CADM2: variants seen among roughly 807,000 people sequenced by gnomAD.
The protein encoded by CADM2 is cell adhesion molecule 2.
Under a neutral mutation model 49.8 loss-of-function variants are expected in CADM2, and 12 were observed. The observed-to-expected ratio is 0.24, with a 90% CI of 0.15 to 0.39. The LOEUF (loss-of-function observed/expected upper bound fraction) is 0.39, where lower values mean the gene tolerates loss of function less well. CADM2 is among the 10% of genes least tolerant of loss of function. The pLI is 1.00. For missense variants in CADM2, 378 were observed against 492.3 expected, an observed-to-expected ratio of 0.77 and a Z score of 2.20; for synonymous variants, 214 against 175.4, an observed-to-expected ratio of 1.22 and a Z score of -1.74.
At chr3:85,689,242 C>T (rs1247184871) in intron 1 of CADM2, among the ~76,000 whole-genome samples, 1 of 152,072 alleles carries the variant, frequency 6.6e-6, no homozygotes, top group African/African-American at 2.4e-5. Flanking sequence ...TCACGGGAAC[C>T]TGTGGATGGA....
intron 5 of CADM2, among the ~76,000 whole-genome samples, chr3:85,896,343 G>A (rs988778156): frequency 6.6e-6 from 1 of 152,126 alleles, no homozygotes; most frequent in African/African-American, 2.4e-5. Flanking sequence ...AAAAGGTTAT[G>A]CTTATAGTAG....
intron 1 of CADM2, among the ~76,000 whole-genome samples, chr3:85,078,673 T>G (rs2037042750): frequency 6.6e-6 from 1 of 151,780 alleles, no homozygotes; most frequent in East Asian, 1.9e-4. Context: ...AATGCCCCAT[T>G]CTTTCTTTCT....
At position 85,868,631 on chromosome 3, in the gene CADM2, T is replaced by C. The variant is rs576495145; in HGVS notation, c.239-14660T>C. ...GAAATTACTCCTTTGTTTTTGAGAT[T>C]TAATAACTATTCTAATGAAAACACA... On this transcript the variant is annotated intron_variant, in intron 3 of 9. Coordinates refer to ENST00000383699, the MANE Select transcript of CADM2 (RefSeq NM_001167675.2). Among the ~76,000 whole-genome samples the C allele has an allele frequency of 2.6e-5, 4 of 152,306 alleles. No individual in the cohort carries two copies. The East Asian group carries it at 7.7e-4, about 29-fold the overall frequency.
At chr3:85,754,339 C>T (rs1023317767) in intron 2 of CADM2, among the ~76,000 whole-genome samples, 6 of 152,132 alleles carry the variant, frequency 3.9e-5, no homozygotes, top group Non-Finnish European at 8.8e-5. Flanking sequence ...ACCTGACCAT[C>T]ACCTGATGGT....
intron 1 of CADM2, among the ~76,000 whole-genome samples, chr3:85,528,933 A>T (rs1396617484): frequency 1.3e-5 from 2 of 152,358 alleles, no homozygotes; most frequent in South Asian, 4.1e-4. Context: ...TTTTGATAGA[A>T]AGAGGACTGA....
intron 3 of CADM2, among the ~76,000 whole-genome samples, chr3:85,875,003 G>C (rs1483877599): frequency 6.6e-6 from 1 of 152,126 alleles, no homozygotes; most frequent in Non-Finnish European, 1.5e-5. Flanking sequence ...ACAGTTTCCA[G>C]ATGTATTGCT....
chr3:85,983,157 T>C (rs532561139), intron 8 of CADM2, among the ~76,000 whole-genome samples: 1 of 151,582 alleles, frequency 6.6e-6, no homozygotes, highest in Non-Finnish European at 1.5e-5. Flanking sequence ...AAAATCAAGA[T>C]GAAATGGAAT....
At chr3:86,062,704 T>C (rs1361773829) in intron 8 of CADM2, among the ~76,000 whole-genome samples, 1 of 152,062 alleles carries the variant, frequency 6.6e-6, no homozygotes, top group Non-Finnish European at 1.5e-5. Context: ...GGCAGTAGAA[T>C]CGCTTGTCCC....
At chr3:85,841,976 G>A (rs975822866) in intron 3 of CADM2, among the ~76,000 whole-genome samples, 47 of 152,058 alleles carry the variant, frequency 3.1e-4, no homozygotes, top group African/African-American at 1.0e-3. Flanking sequence ...TAATTTTAAT[G>A]TATTTTTATT....
intron 1 of CADM2, among the ~76,000 whole-genome samples, chr3:85,656,471 C>G (rs77089080): frequency 1.3e-5 from 2 of 151,984 alleles, no homozygotes; most frequent in South Asian, 2.1e-4. Context: ...AAAAGATTAT[C>G]CAGGAGTGGT....
intron 8 of CADM2, among the ~76,000 whole-genome samples, chr3:85,973,950 G>C (rs755839636): frequency 1.3e-5 from 2 of 151,752 alleles, no homozygotes; most frequent in Non-Finnish European, 2.9e-5. Context: ...TGAGATGTGA[G>C]AGTAGCATTT....
intron 1 of CADM2, among the ~76,000 whole-genome samples, chr3:85,454,668 A>G (rs183177589): frequency 2.0e-5 from 3 of 152,328 alleles, no homozygotes; most frequent in Admixed American, 1.3e-4. Flanking sequence ...CTGAATGCAT[A>G]TTCAGACATG....
intron 1 of CADM2, among the ~76,000 whole-genome samples, chr3:85,254,996 A>G (rs1319006590): frequency 6.6e-6 from 1 of 152,122 alleles, no homozygotes; most frequent in Non-Finnish European, 1.5e-5. Context: ...CATTTTTTTC[A>G]TATCCTACTG....
intron 1 of CADM2, among the ~76,000 whole-genome samples, chr3:85,468,956 T>C (rs2038646356): frequency 6.6e-6 from 1 of 152,174 alleles, no homozygotes; most frequent in Admixed American, 6.5e-5. Context: ...TATTTACCTC[T>C]CAATTTGTCA....
chr3:85,612,176 T>C (rs1016578486), intron 1 of CADM2, among the ~76,000 whole-genome samples: 2 of 151,916 alleles, frequency 1.3e-5, no homozygotes, highest in Admixed American at 1.3e-4. Context: ...AAATTATTTC[T>C]TATCTTTTAT....
chr3:85,236,065 A>C (rs2042400467), intron 1 of CADM2, among the ~76,000 whole-genome samples: 1 of 151,916 alleles, frequency 6.6e-6, no homozygotes, highest in Non-Finnish European at 1.5e-5. Context: ...GCCGCCTCAC[A>C]ATTTTTTCCT....
At chr3:85,129,663 G>A (rs1340711381) in intron 1 of CADM2, among the ~76,000 whole-genome samples, 3 of 152,116 alleles carry the variant, frequency 2.0e-5, no homozygotes, top group Non-Finnish European at 2.9e-5. Flanking sequence ...CTGGTGCTAG[G>A]ATATTCTCCC....
chr3:85,901,462 G>A (rs1398101619), intron 5 of CADM2, among the ~76,000 whole-genome samples: 1 of 151,802 alleles, frequency 6.6e-6, no homozygotes, highest in Non-Finnish European at 1.5e-5. Context: ...AAAATACTCT[G>A]TTTGCTGAAA....
chr3:84,994,324 G>A (rs1048005118), intron 1 of CADM2, among the ~76,000 whole-genome samples: 11 of 152,102 alleles, frequency 7.2e-5, no homozygotes, highest in Non-Finnish European at 1.2e-4. Context: ...TATGTGTTAC[G>A]ATAAGAGTAG....
Sources: allele counts gnomAD v4.1 joint callset (sites outside exome capture counted in the v4.1 genomes callset), GRCh38; gene constraint gnomAD v4.1.1; transcripts MANE v1.5; gene names NCBI Gene and HGNC (gene_info 2026-07-23, HGNC 2026-07-21).